The following AGL variants were observed in gnomAD, a reference collection of about 807,000 sequenced individuals.
AGL encodes the protein amylo-alpha-1,6-glucosidase and 4-alpha-glucanotransferase, also known as glycogen debranching enzyme.
In AGL, 128 loss-of-function variants were observed where a neutral mutation model predicts 199.3. That is an observed-to-expected ratio of 0.64 (90% CI 0.56 to 0.74). AGL has a LOEUF of 0.74. Ranked by LOEUF, AGL falls within the 30% of genes least tolerant of loss-of-function variation. The pLI is 0.00. For synonymous variants in AGL, 584 were observed against 594.7 expected, an observed-to-expected ratio of 0.98 and a Z score of 0.26; for missense variants, 1,809 against 1,820.8, an observed-to-expected ratio of 0.99 and a Z score of 0.12.
rs761587395 is a variant in AGL at position 99,891,200 on chromosome 1, A to G, written c.2813-20A>G. The G allele has an allele frequency of 6.2e-7, 1 of 1,613,308 alleles. No individual in the cohort carries two copies. The highest frequency in any genetic ancestry group is 1.1e-5 in the South Asian group (1 of 91,066). ...TTGATGCTACCAATAATACAGCATGACATGTCTCTGAATTTTCAGGTTTAA... is the reference window on the plus strand; with the variant it reads ...TTGATGCTACCAATAATACAGCATGGCATGTCTCTGAATTTTCAGGTTTAA... On this transcript the variant is annotated intron_variant, in intron 21 of 33. Transcript: ENST00000361915.
At chr1:99,907,244 A>C (rs771328487) in intron 27 of AGL, among the ~76,000 whole-genome samples, 1 of 152,148 alleles carries the variant, frequency 6.6e-6, no homozygotes, top group African/African-American at 2.4e-5. Context: ...AGTTTCTTAT[A>C]TATTCTGGAT....
chr1:99,911,738 C>T (rs1198545343), intron 28 of AGL, among the ~76,000 whole-genome samples: 1 of 152,110 alleles, frequency 6.6e-6, no homozygotes, highest in Non-Finnish European at 1.5e-5. Flanking sequence ...CCACTGCACT[C>T]GGCCTTTTAT....
Position 99,864,073 on chromosome 1 carries a change from G to A in AGL, c.461-313G>A, listed in dbSNP as rs1268533244. ...AGTAGAAACACGTGTTGATATACTC[G>A]TAGAAGATAAATTTACTACATGTTA... On this transcript the variant is annotated intron_variant, in intron 4 of 33. Coordinates refer to ENST00000361915, the MANE Select transcript of AGL (RefSeq NM_000642.3). 3.3e-5 allele frequency among the ~76,000 whole-genome samples: 5 copies of A among 152,258 alleles called. No individual in the cohort carries two copies. The East Asian group carries it at 7.7e-4, about 24-fold the overall frequency.
intron 2 of AGL, among the ~76,000 whole-genome samples, chr1:99,860,595 C>T (rs1649952717): frequency 6.6e-6 from 1 of 152,118 alleles, no homozygotes; most frequent in Admixed American, 6.5e-5. Flanking sequence ...TAACACATTG[C>T]ACAAGTCTAA....
At chr1:99,882,136 C>CAA (rs761262994) in intron 17 of AGL, among the ~76,000 whole-genome samples, 8 of 60,502 alleles carry the variant, frequency 1.3e-4, no homozygotes, top group African/African-American at 1.7e-4. Flanking sequence ...GACCCTATCT[C>CAA]AAAAAAAAAA....
intron 12 of AGL, 26 bp downstream of exon 12, chr1:99,877,854 T>C: frequency 6.2e-7 from 1 of 1,607,850 alleles, no homozygotes; most frequent in Non-Finnish European, 8.5e-7. Context: ...TTATCTACAT[T>C]AAGAAAAGAA....
intron 5 of AGL, among the ~76,000 whole-genome samples, chr1:99,867,743 T>C (rs1426007885): frequency 6.6e-6 from 1 of 151,772 alleles, no homozygotes; most frequent in African/African-American, 2.4e-5. Flanking sequence ...TTTAGTAGAG[T>C]TGGAGTCCCG....
At chr1:99,882,531 G>C (rs1464677355) in intron 17 of AGL, among the ~76,000 whole-genome samples, 1 of 152,086 alleles carries the variant, frequency 6.6e-6, no homozygotes, top group Non-Finnish European at 1.5e-5. Flanking sequence ...CAAATACTAT[G>C]CGAATTGTCT....
rs751712943 is a variant in AGL at position 99,880,688 on chromosome 1, G to C, written c.1792G>C (p.Gly598Arg). Reference sequence around the variant, plus strand: ...GGGCAGATTAGTTTACCGATATGGAGGAGAACCTGTTGGATCCTTTGTTCA... The same window carrying C: ...GGGCAGATTAGTTTACCGATATGGACGAGAACCTGTTGGATCCTTTGTTCA... The part of the protein sequence containing the change: ...EEGRLVYRYG[G>R]EPVGSFVQPC... Residue 598 changes from glycine to arginine, a missense_variant, in exon 14 of 34, where the codon GGA becomes CGA. Transcript: ENST00000361915. 1 of 1,614,064 alleles carries C rather than the reference G, an allele frequency of 6.2e-7. No homozygotes were observed. Among genetic ancestry groups the C allele is most frequent in the Non-Finnish European group, 8.5e-7 (1 of 1,179,942 alleles).
intron 31 of AGL, 91 bp downstream of exon 31, chr1:99,915,577 C>A (rs1434093569): frequency 1.3e-5 from 12 of 959,892 alleles, no homozygotes; most frequent in African/African-American, 1.7e-5. Context: ...GCCAGGGCAA[C>A]AAAAGGAGAT....
intron 3 of AGL, 30 bp from the exon 4 acceptor site, chr1:99,862,226 TG>T (rs779485104): frequency 1.2e-6 from 2 of 1,612,114 alleles, no homozygotes; most frequent in African/African-American, 2.7e-5. Context: ...TATCACTGAC[TG>T]AAAAGTTTTT....
At chr1:99,870,935 C>G (rs1015592235) in intron 7 of AGL, 66 bp downstream of exon 7, 3 of 982,036 alleles carry the variant, frequency 3.1e-6, no homozygotes, top group African/African-American at 1.6e-5. Context: ...AGGGAAAACT[C>G]TCTTTTGGGT....
At chr1:99,892,871 G>A (rs1653017412) in intron 24 of AGL, among the ~76,000 whole-genome samples, 1 of 151,306 alleles carries the variant, frequency 6.6e-6, no homozygotes, top group South Asian at 2.1e-4. Flanking sequence ...GACATTCTGT[G>A]TTTTTTTAAA....
intron 27 of AGL, among the ~76,000 whole-genome samples, chr1:99,909,497 G>A (rs1008219564): frequency 5.3e-5 from 8 of 152,106 alleles, no homozygotes. Flanking sequence ...GGCGGATGTT[G>A]TCACAAAAGT....
chr1:99,860,060 A>T (rs1649909125), intron 2 of AGL, among the ~76,000 whole-genome samples: 1 of 152,174 alleles, frequency 6.6e-6, no homozygotes, highest in Non-Finnish European at 1.5e-5. Flanking sequence ...CTAGATCAAA[A>T]AATATAAACA....
At chr1:99,874,618 G>C in intron 7 of AGL, 69 bp from the exon 8 acceptor site, 16 of 1,474,000 alleles carry the variant, frequency 1.1e-5, no homozygotes, top group Non-Finnish European at 1.4e-5. Context: ...CCAAAAATTA[G>C]AAAATAGTGA....
chr1:99,915,001 GC>G (rs1261438042), intron 30 of AGL, among the ~76,000 whole-genome samples: 1 of 152,112 alleles, frequency 6.6e-6, no homozygotes, highest in Non-Finnish European at 1.5e-5. Context: ...GATCGCTTGA[GC>G]CCAGGAGATT....
intron 2 of AGL, chr1:99,852,411 C>T (rs1571208562): frequency 2.5e-6 from 1 of 403,714 alleles, no homozygotes; most frequent in Admixed American, 4.0e-5. Flanking sequence ...TACTCTGTTG[C>T]CCAAGCTGAG....
Position 99,861,556 on chromosome 1 carries a change from G to C in AGL, c.136G>C (p.Val46Leu), listed in dbSNP as rs762935611. The change falls in exon 3 of 34, where the codon GTG (valine) becomes CTG (leucine). Residue 46 changes from valine (V) to leucine (L), a missense_variant. Transcript: ENST00000361915. ...GPTLQGKAVTVYTNYPFPGET... is the reference protein window; with the variant it reads ...GPTLQGKAVTLYTNYPFPGET... Reference sequence around the variant, plus strand: ...AACTTTACAGGGAAAAGCAGTTACCGTGTATACAAATTACCCATTTCCTGG... The same window carrying C: ...AACTTTACAGGGAAAAGCAGTTACCCTGTATACAAATTACCCATTTCCTGG... 10 of 1,613,832 alleles carry C rather than the reference G, an allele frequency of 6.2e-6. No individual in the cohort carries two copies. In the African/African-American group the frequency reaches 1.3e-4, roughly 22 times the overall value.
Sources: gnomAD v4.1 joint callset for allele counts (sites outside exome capture counted in the v4.1 genomes callset) on GRCh38, gnomAD v4.1.1 for gene constraint, MANE v1.5 for transcripts, NCBI Gene and HGNC (gene_info 2026-07-23, HGNC 2026-07-21) for gene names.